Variants in PIP5K1C observed in about 807,000 individuals in gnomAD.
PIP5K1C encodes phosphatidylinositol 4-phosphate 5-kinase type-1 gamma.
Under a neutral mutation model 80.1 loss-of-function variants are expected in PIP5K1C, and 45 were observed. The observed-to-expected ratio is 0.56, with a 90% CI of 0.44 to 0.72. The LOEUF is 0.72. Among genes scored for constraint, PIP5K1C ranks in the 30% least tolerant of loss-of-function variants. PIP5K1C has a pLI of 0.00. For missense variants in PIP5K1C, 753 were observed against 954.6 expected, an observed-to-expected ratio of 0.79 and a Z score of 2.78; for synonymous variants, 498 against 420.1, an observed-to-expected ratio of 1.19 and a Z score of -2.27.
At chr19:3,663,266 C>T (rs1448844316) in intron 3 of PIP5K1C, among the ~76,000 whole-genome samples, 1 of 152,238 alleles carries the variant, frequency 6.6e-6, no homozygotes, top group East Asian at 1.9e-4. Context: ...CATACCTCCG[C>T]TCTCTAATTC....
intron 14 of PIP5K1C, 92 bp downstream of exon 14, chr19:3,642,815 G>T (rs1277749338): frequency 6.1e-6 from 6 of 991,498 alleles, no homozygotes; most frequent in South Asian, 1.3e-5. Flanking sequence ...AGAATGGGCA[G>T]AGAGCAGAGG....
intron 1 of PIP5K1C, among the ~76,000 whole-genome samples, chr19:3,681,381 C>G (rs1161705919): frequency 6.6e-6 from 1 of 152,054 alleles, no homozygotes; most frequent in African/African-American, 2.4e-5. Flanking sequence ...CAGGCGTTCA[C>G]CACTACCACC....
chr19:3,667,779 G>C, intron 1 of PIP5K1C, among the ~76,000 whole-genome samples: 1 of 151,346 alleles, frequency 6.6e-6, no homozygotes, highest in Admixed American at 6.5e-5. Context: ...CAACTGAGCA[G>C]GTCTGAACTG....
Position 3,631,879 on chromosome 19 carries a change from C to T in PIP5K1C, c.*1288G>A, listed in dbSNP as rs543480958. Reference sequence around the variant, plus strand: ...ATTCTTCCCAAAGGTGCAGCTTCCACTCCAGCTCCTCACATCCTGGGCACA... The same window carrying T: ...ATTCTTCCCAAAGGTGCAGCTTCCATTCCAGCTCCTCACATCCTGGGCACA... On this transcript the variant is annotated 3_prime_UTR_variant, in exon 18 of 18. Coordinates refer to ENST00000335312, the MANE Select transcript of PIP5K1C (RefSeq NM_012398.3). 6.6e-6 allele frequency: 1 copy of T among 152,406 alleles called. No individual in the cohort carries two copies. The highest frequency in any genetic ancestry group is 2.1e-4 in the South Asian group (1 of 4,832). The allele number at this position is 152,406 out of a possible 1,614,324, so 9.4% of individuals were successfully genotyped here.
At chr19:3,646,122 C>T (rs1176514504) in intron 10 of PIP5K1C, 64 bp from the exon 11 acceptor site, 1 of 1,005,506 alleles carries the variant, frequency 9.9e-7, no homozygotes, top group Non-Finnish European at 1.6e-6. Flanking sequence ...CTGGGGACAG[C>T]CCCAGACAGA....
intron 7 of PIP5K1C, among the ~76,000 whole-genome samples, chr19:3,652,623 C>T (rs1441794652): frequency 1.3e-5 from 2 of 152,168 alleles, no homozygotes; most frequent in South Asian, 2.1e-4. Context: ...ACGGGGACGA[C>T]GGAGCTAACC....
At chr19:3,638,783 G>A in intron 16 of PIP5K1C, 101 bp downstream of exon 16, 1 of 1,483,638 alleles carries the variant, frequency 6.7e-7, no homozygotes. Context: ...ACACTCACGT[G>A]CCTGTGTGCA....
Position 3,644,148 on chromosome 19 carries a change from C to G in PIP5K1C, c.1449G>C (p.Glu483Asp). 1 of 1,612,170 alleles carries G rather than the reference C, an allele frequency of 6.2e-7. No homozygotes were observed. The highest frequency in any genetic ancestry group is 8.5e-7 in the Non-Finnish European group (1 of 1,179,882). The change falls in exon 12 of 18, where the codon GAG becomes GAC. Residue 483 changes from glutamate to aspartate, a missense_variant. Glu to Asp is a conservative substitution (Grantham distance 45, BLOSUM62 2). Transcript: ENST00000335312. Reference sequence around the variant, plus strand: ...GCAGGTCGTACTGGGCCTCCTCCCGCTCGCTAGGGATCTGGCTGGCCGAGA... The same window carrying G: ...GCAGGTCGTACTGGGCCTCCTCCCGGTCGCTAGGGATCTGGCTGGCCGAGA... The part of the protein sequence containing the change: ...AAFSASQIPS[E>D]REEAQYDLRG...
intron 10 of PIP5K1C, among the ~76,000 whole-genome samples, chr19:3,646,434 T>G (rs1242191798): frequency 6.6e-6 from 1 of 152,148 alleles, no homozygotes; most frequent in African/African-American, 2.4e-5. Flanking sequence ...CCTCCCAGAA[T>G]GCAACCTCCT....
At chr19:3,672,819 T>G (rs1568345297) in intron 1 of PIP5K1C, among the ~76,000 whole-genome samples, 1 of 151,924 alleles carries the variant, frequency 6.6e-6, no homozygotes, top group Non-Finnish European at 1.5e-5. Context: ...ACAGGAACAG[T>G]GGTGGCCTCA....
intron 1 of PIP5K1C, among the ~76,000 whole-genome samples, chr19:3,687,676 G>A (rs900883249): frequency 2.6e-5 from 4 of 151,702 alleles, no homozygotes; most frequent in Middle Eastern, 3.4e-3. Context: ...AAGGGGTGAG[G>A]TGGCTGGAGG....
intron 16 of PIP5K1C, chr19:3,636,603 C>T (rs1375681623): frequency 5.1e-6 from 5 of 985,510 alleles, no homozygotes; most frequent in African/African-American, 1.7e-5. Context: ...GGACGATCTC[C>T]GGGGCACGGC....
intron 1 of PIP5K1C, among the ~76,000 whole-genome samples, chr19:3,685,423 A>G (rs2035728123): frequency 6.6e-6 from 1 of 152,172 alleles, no homozygotes. Context: ...GGGGCCGAAC[A>G]CAGCCCACTA....
intron 15 of PIP5K1C, among the ~76,000 whole-genome samples, 175 bp downstream of exon 15, chr19:3,641,530 C>T (rs529195994): frequency 2.6e-5 from 4 of 152,288 alleles, no homozygotes; most frequent in South Asian, 4.1e-4. Context: ...AGGATCACCC[C>T]GGCTAGTCGA....
chr19:3,664,931 G>A lies in PIP5K1C; in HGVS notation c.127-17C>T, dbSNP rs977162391. The stretch of plus-strand genomic sequence containing the variant: ...GGACAGAACCTGGGAAGAGGAAGCA[G>A]GAAGCGTTAACTCCCTAAGGAGCAC... On this transcript the variant is annotated splice_polypyrimidine_tract_variant and intron_variant, in intron 2 of 17. Coordinates refer to ENST00000335312, the MANE Select transcript of PIP5K1C (RefSeq NM_012398.3). 8 of 1,600,082 alleles carry A rather than the reference G, an allele frequency of 5.0e-6. No individual in the cohort carries two copies. Among genetic ancestry groups the A allele is most frequent in the South Asian group, 1.1e-5 (1 of 90,808 alleles).
intron 16 of PIP5K1C, among the ~76,000 whole-genome samples, chr19:3,634,450 C>T (rs1041249182): frequency 1.1e-4 from 17 of 152,192 alleles, no homozygotes; most frequent in African/African-American, 4.1e-4. Flanking sequence ...AGATGACCTG[C>T]GAATTTCCAC....
chr19:3,677,754 GGGATGGA>G (rs1433117763), intron 1 of PIP5K1C, among the ~76,000 whole-genome samples: 3 of 121,574 alleles, frequency 2.5e-5, no homozygotes, highest in South Asian at 2.8e-4. Flanking sequence ...GATGGAGGGA[GGGATGGA>G]GGATGGAGGA....
intron 1 of PIP5K1C, among the ~76,000 whole-genome samples, chr19:3,673,082 G>T (rs894884479): frequency 1.3e-5 from 2 of 150,598 alleles, no homozygotes; most frequent in Non-Finnish European, 3.0e-5. Context: ...CCTGCAGGGT[G>T]AAGACCAGGC....
At chr19:3,678,907 G>C (rs1167266003) in intron 1 of PIP5K1C, among the ~76,000 whole-genome samples, 1 of 137,656 alleles carries the variant, frequency 7.3e-6, no homozygotes, top group Admixed American at 7.1e-5. Flanking sequence ...GCAGGACGGA[G>C]GAAGGGATGG....
Sources: gnomAD v4.1 joint callset for allele counts (sites outside exome capture counted in the v4.1 genomes callset) on GRCh38, gnomAD v4.1.1 for gene constraint, MANE v1.5 for transcripts, NCBI Gene and HGNC (gene_info 2026-07-23, HGNC 2026-07-21) for gene names.